The following LAMA1 variants were observed in gnomAD, a reference collection of about 807,000 sequenced individuals.
The protein encoded by LAMA1 is laminin subunit alpha-1.
In LAMA1, 219 loss-of-function variants were observed where a neutral mutation model predicts 348.7. The ratio of observed to expected loss-of-function variants is 0.63; its 90% CI spans 0.56 to 0.70. The LOEUF (loss-of-function observed/expected upper bound fraction) is 0.70. Ranked by LOEUF, LAMA1 falls within the 30% of genes least tolerant of loss-of-function variation. The pLI is 0.00. For missense variants in LAMA1, 3,744 were observed against 3,888.0 expected (o/e 0.96, Z 0.99); for synonymous variants, 1,487 against 1,491.0 (o/e 1.00, Z 0.06).
At chr18:7,015,894 G>A in intron 21 of LAMA1, 36 bp from the exon 22 acceptor site, 1 of 1,613,356 alleles carries the variant, frequency 6.2e-7, no homozygotes, top group Non-Finnish European at 8.5e-7. Flanking sequence ...ACAGATCTGG[G>A]TGATGTCATT....
intron 46 of LAMA1, among the ~76,000 whole-genome samples, chr18:6,974,499 C>T (rs375430294): frequency 6.7e-6 from 1 of 149,668 alleles, no homozygotes; most frequent in African/African-American, 2.5e-5. Flanking sequence ...CTCTGTTGCC[C>T]AGGCTGGAGT....
intron 29 of LAMA1, 105 bp downstream of exon 29, chr18:7,007,034 A>C: frequency 6.8e-7 from 1 of 1,476,156 alleles, no homozygotes. Context: ...GCTAAATTTA[A>C]CCTCTCACTA....
intron 16 of LAMA1, among the ~76,000 whole-genome samples, chr18:7,029,977 G>GAAA (rs528720316): frequency 1.2e-4 from 17 of 145,764 alleles, no homozygotes; most frequent in African/African-American, 1.5e-4. Context: ...CAATATATTA[G>GAAA]AAAAAAAAAA....
intron 1 of LAMA1, among the ~76,000 whole-genome samples, chr18:7,094,283 G>T (rs1286598775): frequency 2.0e-5 from 3 of 151,728 alleles, no homozygotes; most frequent in African/African-American, 7.3e-5. Context: ...AATGAGCCGC[G>T]CGTGGTGGCA....
chr18:7,046,343 A>C lies in LAMA1; in HGVS notation c.793T>G (p.Ser265Ala). 3 of 1,608,024 alleles carry C rather than the reference A, an allele frequency of 1.9e-6. No individual in the cohort carries two copies. The highest frequency in any genetic ancestry group is 2.6e-6 in the Non-Finnish European group (3 of 1,175,760). ...RRYYYSIKDI[S>A]VGGMCICYGH... The stretch of plus-strand genomic sequence containing the variant: ...TAGCAGATACACATGCCTCCAACAG[A>C]AATGTCCTTTATTGAATAATAATAC... Residue 265 changes from serine to alanine, a missense_variant, in exon 6 of 63, where the codon TCT becomes GCT. Transcript: ENST00000389658.
At position 6,976,588 on chromosome 18, in the gene LAMA1, A is replaced by ATATT. The variant is rs66905104; in HGVS notation, c.6346-512_6346-509dup. ...GCATCAAGAAGCATTCCTTGGGCTT[A>ATATT]TATTTATTTATTTATTTATTTATTT... On this transcript the variant is annotated intron_variant, in intron 44 of 62. Transcript: ENST00000389658. 9.9e-3 allele frequency among the ~76,000 whole-genome samples: 1,461 copies of ATATT among 148,282 alleles called. 13 individuals are homozygous for ATATT. Among genetic ancestry groups the ATATT allele is most frequent in the Middle Eastern group, 0.014 (4 of 288 alleles).
chr18:6,959,592 G>A (rs961901879), intron 53 of LAMA1, 100 bp from the exon 54 acceptor site: 10 of 1,230,712 alleles, frequency 8.1e-6, no homozygotes, highest in Non-Finnish European at 1.0e-5. Flanking sequence ...TTAACATCAA[G>A]TGAGTAGAGC....
chr18:7,096,093 A>G (rs2058260104), intron 1 of LAMA1, among the ~76,000 whole-genome samples: 1 of 152,182 alleles, frequency 6.6e-6, no homozygotes, highest in Non-Finnish European at 1.5e-5. Context: ...ACTTCAGTAT[A>G]GACTGTGGTA....
At chr18:7,051,088 A>G in intron 3 of LAMA1, 152 bp from the exon 4 acceptor site, 1 of 945,588 alleles carries the variant, frequency 1.1e-6, no homozygotes, top group Non-Finnish European at 1.6e-6. Context: ...AGGTGCGAGG[A>G]GAGGGGAATA....
At chr18:7,033,447 C>G (rs1224664202) in intron 14 of LAMA1, among the ~76,000 whole-genome samples, 1 of 119,522 alleles carries the variant, frequency 8.4e-6, no homozygotes, top group Admixed American at 8.3e-5. Flanking sequence ...TAGAGGGAGA[C>G]TCTGTCTCAA....
At chr18:6,975,265 T>C (rs1406661295) in intron 45 of LAMA1, among the ~76,000 whole-genome samples, 1 of 152,302 alleles carries the variant, frequency 6.6e-6, no homozygotes, top group East Asian at 1.9e-4. Context: ...GTGCCTGGCA[T>C]GGCCCTCCTC....
At chr18:7,030,032 T>C (rs557293546) in intron 16 of LAMA1, among the ~76,000 whole-genome samples, 7 of 152,210 alleles carry the variant, frequency 4.6e-5, no homozygotes, top group African/African-American at 1.7e-4. Context: ...TACCACGTTT[T>C]TTGTATTTCC....
At chr18:7,081,078 G>C (rs1248767741) in intron 1 of LAMA1, among the ~76,000 whole-genome samples, 1 of 151,928 alleles carries the variant, frequency 6.6e-6, no homozygotes, top group Non-Finnish European at 1.5e-5. Flanking sequence ...ACTGTCGGTG[G>C]GAGTGTAAAT....
chr18:7,049,400 AGC>A, intron 4 of LAMA1, 143 bp from the exon 5 acceptor site: 3 of 712,300 alleles, frequency 4.2e-6, no homozygotes, highest in South Asian at 1.6e-5. Context: ...CCCAGGTTCA[AGC>A]AATTCTCCTG....
chr18:7,108,824 TGTACAAAA>T (rs1598324306), intron 1 of LAMA1, among the ~76,000 whole-genome samples: 1 of 152,100 alleles, frequency 6.6e-6, no homozygotes, highest in East Asian at 1.9e-4. Flanking sequence ...AAACTTAGTT[TGTACAAAA>T]GCAAAGGTAA....
At chr18:7,107,371 G>A (rs941874767) in intron 1 of LAMA1, among the ~76,000 whole-genome samples, 2 of 151,782 alleles carry the variant, frequency 1.3e-5, no homozygotes, top group Non-Finnish European at 2.9e-5. Context: ...ACCCGCCTCC[G>A]CCTCCCAAAG....
At chr18:7,022,946 G>A (rs2144140774) in intron 19 of LAMA1, among the ~76,000 whole-genome samples, 1 of 152,280 alleles carries the variant, frequency 6.6e-6, no homozygotes, top group South Asian at 2.1e-4. Flanking sequence ...CCAGGCCACT[G>A]ACCCCTATGG....
chr18:7,052,935 G>A lies in LAMA1; in HGVS notation c.346-1999C>T, dbSNP rs188794573. On this transcript the variant is annotated intron_variant, in intron 3 of 62. Transcript: ENST00000389658. ...CTCGGGAGGCTGAGGCAGGAGAATC[G>A]CTTGAACCCAGGAGGCGGAGGTTGT... Among the ~76,000 whole-genome samples, 568 of 151,074 alleles carry A rather than the reference G, an allele frequency of 3.8e-3. 6 individuals carry two copies. The highest frequency in any genetic ancestry group is 0.012 in the African/African-American group (480 of 41,142).
intron 31 of LAMA1, 55 bp from the exon 32 acceptor site, chr18:6,999,693 C>A (rs1309245732): frequency 6.9e-7 from 1 of 1,452,108 alleles, no homozygotes; most frequent in Non-Finnish European, 9.5e-7. Flanking sequence ...CAGCTTCTAA[C>A]TTGCGACAGT....
Sources: gnomAD v4.1 joint callset for allele counts (sites outside exome capture counted in the v4.1 genomes callset) on GRCh38, gnomAD v4.1.1 for gene constraint, MANE v1.5 for transcripts, NCBI Gene and HGNC (gene_info 2026-07-23, HGNC 2026-07-21) for gene names.